The following ATP9B variants were observed in gnomAD, a reference collection of about 807,000 sequenced individuals.
ATP9B encodes the protein probable phospholipid-transporting ATPase IIB.
ATP9B carries 110 observed loss-of-function variants against 146.1 expected under a neutral mutation model. The ratio of observed to expected loss-of-function variants is 0.75; its 90% confidence interval spans 0.65 to 0.88. The LOEUF is 0.88. Among genes scored for constraint, ATP9B ranks in the 40% least tolerant of loss-of-function variants. The pLI is 0.00. For synonymous variants in ATP9B, 604 were observed against 569.7 expected, an observed-to-expected ratio of 1.06 and a Z score of -0.86; for missense variants, 1,499 against 1,496.4, an observed-to-expected ratio of 1.00 and a Z score of -0.03.
At chr18:79,080,174 T>C (rs1180232547) in intron 1 of ATP9B, among the ~76,000 whole-genome samples, 1 of 152,252 alleles carries the variant, frequency 6.6e-6, no homozygotes, top group Non-Finnish European at 1.5e-5. Context: ...TCTAATTCTT[T>C]GAAGAAAGTC....
intron 17 of ATP9B, among the ~76,000 whole-genome samples, chr18:79,331,308 G>A (rs3848472): frequency 0.94 from 142,476 of 152,276 alleles, 66,746 homozygotes; most frequent in East Asian, 1. Flanking sequence ...AATCAGGGAC[G>A]TGAATAAATT....
chr18:79,361,101 C>G (rs1483085669), intron 26 of ATP9B: 1 of 152,232 alleles, frequency 6.6e-6, no homozygotes, highest in East Asian at 1.9e-4. Context: ...GGCACGCAAG[C>G]AGGGCAGAGG....
chr18:79,080,606 C>T (rs898998564), intron 1 of ATP9B, among the ~76,000 whole-genome samples: 2 of 152,150 alleles, frequency 1.3e-5, no homozygotes, highest in African/African-American at 4.8e-5. Context: ...TTTGAATACC[C>T]TTTATTTCTT....
intron 12 of ATP9B, among the ~76,000 whole-genome samples, chr18:79,264,786 C>T (rs140487718): frequency 3.9e-4 from 60 of 152,234 alleles, no homozygotes; most frequent in African/African-American, 1.1e-3. Context: ...CCTAGTGCCC[C>T]GTCTGCCATG....
In ATP9B at chr18:79,162,800, A is replaced by T. The variant is rs1049075814; in HGVS notation, c.778+8245A>T. ...GTATACCCTAGCCGATCTCTTTCAG[A>T]GCTGTTGGATTTGTGAGCTGTTGTA... On this transcript the variant is annotated intron_variant, in intron 7 of 29. Transcript: ENST00000426216. 5.9e-5 allele frequency among the ~76,000 whole-genome samples: 9 copies of T among 152,256 alleles called. No homozygotes were observed. The East Asian group carries it at 1.5e-3, about 26-fold the overall frequency.
At chr18:79,295,890 C>T (rs899592123) in intron 13 of ATP9B, among the ~76,000 whole-genome samples, 2 of 152,222 alleles carry the variant, frequency 1.3e-5, no homozygotes, top group Non-Finnish European at 2.9e-5. Flanking sequence ...ACCAAATCTC[C>T]TGGTGCCTCA....
intron 26 of ATP9B, 57 bp downstream of exon 26, chr18:79,359,519 A>G (rs752595867): frequency 6.4e-5 from 87 of 1,353,258 alleles, no homozygotes; most frequent in Middle Eastern, 5.3e-4. Context: ...CTAGCATTTT[A>G]CACGAGTGAG....
At chr18:79,307,967 T>C (rs1157194956) in intron 15 of ATP9B, among the ~76,000 whole-genome samples, 1 of 152,096 alleles carries the variant, frequency 6.6e-6, no homozygotes, top group Non-Finnish European at 1.5e-5. Flanking sequence ...GTCATATACA[T>C]AAATAATTGG....
intron 1 of ATP9B, among the ~76,000 whole-genome samples, chr18:79,077,468 G>A (rs2072754711): frequency 6.6e-6 from 1 of 152,190 alleles, no homozygotes; most frequent in Non-Finnish European, 1.5e-5. Context: ...TGCATGGGTG[G>A]TGTTACCTTT....
chr18:79,182,806 G>C (rs2095265467), intron 8 of ATP9B, among the ~76,000 whole-genome samples: 1 of 152,170 alleles, frequency 6.6e-6, no homozygotes, highest in South Asian at 2.1e-4. Flanking sequence ...CTTGTTGGTA[G>C]GGATCTACCT....
chr18:79,172,543 C>G lies in ATP9B; in HGVS notation c.779-4270C>G, dbSNP rs368922636. On this transcript the variant is annotated intron_variant, in intron 7 of 29. Coordinates refer to ENST00000426216, the MANE Select transcript of ATP9B (RefSeq NM_198531.5). ...CCGCCCTTGCGATCCGCCTTGGCCT[C>G]CCAAGGTGCTGTGATTACAGGCGTA... 9.6e-4 allele frequency among the ~76,000 whole-genome samples: 119 copies of G among 124,352 alleles called. No homozygotes were observed. The South Asian group carries it at 0.012, about 12-fold the overall frequency. 81.6% of individuals were successfully genotyped at this position (124,352 alleles called of 152,430 possible).
At chr18:79,359,792 C>T (rs1004969840) in intron 26 of ATP9B, 1 of 279,708 alleles carries the variant, frequency 3.6e-6, no homozygotes, top group South Asian at 4.0e-5. Context: ...CAGAGAAGAT[C>T]TCACTGTGTA....
At chr18:79,323,949 C>T (rs192990895) in intron 15 of ATP9B, among the ~76,000 whole-genome samples, 224 of 152,306 alleles carry the variant, frequency 1.5e-3, no homozygotes, top group Non-Finnish European at 2.6e-3. Context: ...CCTCCTCCCT[C>T]GCCAGCATTT....
intron 2 of ATP9B, among the ~76,000 whole-genome samples, chr18:79,098,239 G>A (rs1290601241): frequency 6.6e-6 from 1 of 151,942 alleles, no homozygotes; most frequent in Non-Finnish European, 1.5e-5. Context: ...ATTCAAGATG[G>A]ATTAAAGATT....
At chr18:79,375,623 G>A (rs2097098248) in intron 29 of ATP9B, 197 bp downstream of exon 29, 1 of 985,328 alleles carries the variant, frequency 1.0e-6, no homozygotes, top group Non-Finnish European at 1.2e-6. Context: ...CCTGTTCAGG[G>A]GCTTGGTGGC....
intron 5 of ATP9B, among the ~76,000 whole-genome samples, chr18:79,130,429 A>C (rs879811060): frequency 1.4e-4 from 21 of 151,690 alleles, no homozygotes; most frequent in Non-Finnish European, 2.5e-4. Context: ...ATGGGAAAAA[A>C]AAAACAAAAC....
At chr18:79,217,947 G>T (rs960550261) in intron 11 of ATP9B, among the ~76,000 whole-genome samples, 2 of 152,218 alleles carry the variant, frequency 1.3e-5, no homozygotes, top group Admixed American at 1.3e-4. Context: ...TCTCTGAGTA[G>T]AAGCCATATT....
intron 1 of ATP9B, among the ~76,000 whole-genome samples, chr18:79,072,998 G>C (rs902619160): frequency 6.7e-6 from 1 of 149,386 alleles, no homozygotes; most frequent in South Asian, 2.1e-4. Flanking sequence ...ACGGGATGAC[G>C]GCCAGGAAGA....
At chr18:79,144,042 A>G (rs2094547321) in intron 6 of ATP9B, 182 bp downstream of exon 6, 2 of 436,982 alleles carry the variant, frequency 4.6e-6, no homozygotes, top group Non-Finnish European at 4.0e-6. Context: ...TTGCTAAAGT[A>G]TATTTCAGTG....
Sources: gnomAD v4.1 joint callset for allele counts (sites outside exome capture counted in the v4.1 genomes callset) on GRCh38, gnomAD v4.1.1 for gene constraint, MANE v1.5 for transcripts, NCBI Gene and HGNC (gene_info 2026-07-23, HGNC 2026-07-21) for gene names.